PCNX2: variants seen among roughly 807,000 people sequenced by gnomAD.
PCNX2 encodes pecanex 2.
Under a neutral mutation model 223.8 loss-of-function variants are expected in PCNX2, and 168 were observed. The observed-to-expected ratio is 0.75, with a 90% CI of 0.66 to 0.85. The LOEUF is 0.85. Ranked by LOEUF, PCNX2 falls within the 40% of genes least tolerant of loss-of-function variation. The pLI, the probability that PCNX2 is intolerant of heterozygous loss-of-function variation, is 0.00. For missense variants in PCNX2, 2,507 were observed against 2,675.5 expected (o/e 0.94, Z 1.39); for synonymous variants, 1,006 against 1,052.6 (o/e 0.96, Z 0.86).
intron 26 of PCNX2, among the ~76,000 whole-genome samples, chr1:233,021,173 G>A (rs949372736): frequency 1.3e-5 from 2 of 152,136 alleles, no homozygotes; most frequent in Non-Finnish European, 2.9e-5. Flanking sequence ...GGGCAGAAAA[G>A]CACTGAGTGC....
chr1:233,065,868 G>C (rs192308550), intron 23 of PCNX2, among the ~76,000 whole-genome samples: 1 of 152,116 alleles, frequency 6.6e-6, no homozygotes, highest in Non-Finnish European at 1.5e-5. Flanking sequence ...GGCAGATAGG[G>C]GTGGGTCCCT....
rs373959722 is a variant in PCNX2, at chr1:232,990,994, T to G, written c.5792-4454A>C. ...AAGAGGGTGGTGTGGTCTTCACATG[T>G]GCTCCTGTCACAGGCTCTGCAGAAG... On this transcript the variant is annotated intron_variant, in intron 32 of 33. Coordinates refer to ENST00000258229, the MANE Select transcript of PCNX2 (RefSeq NM_014801.4). This position sits in a 1 kb window ranked among gnomAD's most constrained non-coding sequence, Gnocchi z 4.3. Among the ~76,000 whole-genome samples, 489 of 152,322 alleles carry G rather than the reference T, an allele frequency of 3.2e-3. No individual in the cohort carries two copies. The highest frequency in any genetic ancestry group is 0.011 in the African/African-American group (473 of 41,576).
intron 23 of PCNX2, among the ~76,000 whole-genome samples, chr1:233,063,832 T>G (rs1268659109): frequency 6.6e-6 from 1 of 152,182 alleles, no homozygotes; most frequent in Non-Finnish European, 1.5e-5. Context: ...CATTTCTTTA[T>G]CTTTCTCTGC....
At position 232,991,430 on chromosome 1, in the gene PCNX2, C is replaced by T. The variant is rs979338819; in HGVS notation, c.5792-4890G>A. Among the ~76,000 whole-genome samples the T allele has an allele frequency of 4.6e-5, 7 of 151,966 alleles. No homozygotes were observed. Among genetic ancestry groups the T allele is most frequent in the East Asian group, 3.9e-4 (2 of 5,180 alleles). ...AGAGAGCAGACCAGATGGGGGCCTG[C>T]GGGGGAGGGGTGCTCATGGGATGCG... is the stretch of plus-strand genomic sequence containing the variant. On this transcript the variant is annotated intron_variant, in intron 32 of 33. Transcript: ENST00000258229. This position sits in a 1 kb window ranked among gnomAD's most constrained non-coding sequence, Gnocchi z 4.3.
intron 21 of PCNX2, among the ~76,000 whole-genome samples, chr1:233,116,399 T>C (rs1462523882): frequency 6.6e-6 from 1 of 151,330 alleles, no homozygotes. Flanking sequence ...CACACAGACA[T>C]TAAAACAAAC....
In PCNX2 at chr1:233,279,749, A is replaced by G. The variant is rs570198198; in HGVS notation, c.153+15577T>C. Among the ~76,000 whole-genome samples, 3 of 152,302 alleles carry G rather than the reference A, an allele frequency of 2.0e-5. No homozygotes were observed. The South Asian group carries it at 6.2e-4, about 32-fold the overall frequency. On this transcript the variant is annotated intron_variant, in intron 1 of 33. Coordinates refer to ENST00000258229, the MANE Select transcript of PCNX2 (RefSeq NM_014801.4). The stretch of plus-strand genomic sequence containing the variant: ...ATAATAATTTCAAAATATGTATCAA[A>G]TCTTATTAATAAGCTTACTGAATGC...
At chr1:232,986,007 G>T in intron 33 of PCNX2, 85 bp downstream of exon 33, 1 of 1,418,626 alleles carries the variant, frequency 7.0e-7, no homozygotes, top group Non-Finnish European at 9.7e-7. Flanking sequence ...CAGAAGGGTG[G>T]GAACGCAAGG....
At position 232,984,261 on chromosome 1, in the gene PCNX2, G is replaced by A; in HGVS notation, c.*43C>T. On this transcript the variant is annotated 3_prime_UTR_variant, in exon 34 of 34. Coordinates refer to ENST00000258229, the MANE Select transcript of PCNX2 (RefSeq NM_014801.4). ...AGCACGAGGGAGAGCAATGCAGGTG[G>A]GAGGTGTGGGGGAGCCAGCCTCCCC... is the stretch of plus-strand genomic sequence containing the variant. The A allele has an allele frequency of 6.5e-7, 1 of 1,527,222 alleles. No homozygotes were observed. Among genetic ancestry groups the A allele is most frequent in the Non-Finnish European group, 8.8e-7 (1 of 1,136,612 alleles). 94.6% of individuals were successfully genotyped at this position (1,527,222 alleles called of 1,614,324 possible).
intron 32 of PCNX2, among the ~76,000 whole-genome samples, chr1:232,992,093 C>A (rs565310405): frequency 1.3e-3 from 194 of 152,314 alleles, no homozygotes; most frequent in Non-Finnish European, 2.6e-3. Flanking sequence ...AGAGGTTTTT[C>A]CTTCTTTTAA....
intron 1 of PCNX2, among the ~76,000 whole-genome samples, chr1:233,271,080 C>T (rs1408749899): frequency 6.6e-6 from 1 of 151,932 alleles, no homozygotes; most frequent in Admixed American, 6.6e-5. Flanking sequence ...TAAGAGTTAA[C>T]ATAATACTTA....
chr1:233,060,627 G>C (rs528318622), intron 23 of PCNX2, among the ~76,000 whole-genome samples: 1 of 152,192 alleles, frequency 6.6e-6, no homozygotes, highest in Admixed American at 6.5e-5. Flanking sequence ...AATTAGCTCA[G>C]TAATTGGATT....
At chr1:233,249,228 A>G (rs1467384249) in intron 8 of PCNX2, among the ~76,000 whole-genome samples, 2 of 152,096 alleles carry the variant, frequency 1.3e-5, no homozygotes, top group African/African-American at 2.4e-5. Flanking sequence ...AACCTAGGGG[A>G]AAAATGACAT....
intron 19 of PCNX2, among the ~76,000 whole-genome samples, chr1:233,145,809 C>G (rs1414420754): frequency 6.6e-6 from 1 of 152,138 alleles, no homozygotes; most frequent in Non-Finnish European, 1.5e-5. Context: ...CATGCACCCC[C>G]TTGCTGACTG....
chr1:233,062,377 T>A (rs1319818602), intron 23 of PCNX2, among the ~76,000 whole-genome samples: 10 of 152,224 alleles, frequency 6.6e-5, no homozygotes. Flanking sequence ...TGATGGGTCA[T>A]GAACTAAGAA....
chr1:233,113,130 C>T (rs1460986621), intron 21 of PCNX2, among the ~76,000 whole-genome samples: 1 of 152,192 alleles, frequency 6.6e-6, no homozygotes, highest in Non-Finnish European at 1.5e-5. Context: ...GTGACATCAG[C>T]TTGTCATCAC....
chr1:233,213,052 A>G (rs1681907396), intron 12 of PCNX2, among the ~76,000 whole-genome samples: 1 of 152,202 alleles, frequency 6.6e-6, no homozygotes, highest in Non-Finnish European at 1.5e-5. Context: ...AGATAAACAT[A>G]AGAAAAATCC....
chr1:233,320,655 C>A, the PCNX2 span, among the ~76,000 whole-genome samples: 2 of 152,098 alleles, frequency 1.3e-5, no homozygotes, highest in Non-Finnish European at 2.9e-5. Flanking sequence ...AATGTGAAAC[C>A]ATTGTTAATG....
At chr1:233,093,020 C>G (rs147480820) in intron 22 of PCNX2, among the ~76,000 whole-genome samples, 2 of 152,132 alleles carry the variant, frequency 1.3e-5, no homozygotes, top group African/African-American at 2.4e-5. Flanking sequence ...AGGATGGTCT[C>G]AATCTCCTGA....
chr1:233,297,246 T>C (rs2103036121), upstream of PCNX2, among the ~76,000 whole-genome samples: 1 of 152,354 alleles, frequency 6.6e-6, no homozygotes, highest in East Asian at 1.9e-4. Context: ...CCTTGTTCAC[T>C]TGTCCTGATT....
Sources: gnomAD v4.1 joint callset for allele counts (sites outside exome capture counted in the v4.1 genomes callset) on GRCh38, gnomAD v4.1.1 for gene constraint, Gnocchi (gnomAD v3.1) non-coding constraint, MANE v1.5 for transcripts, NCBI Gene and HGNC (gene_info 2026-07-23, HGNC 2026-07-21) for gene names.